Variants in GLYATL1 observed in about 807,000 individuals in gnomAD.
GLYATL1 encodes the protein glycine-N-acyltransferase like 1, also known as glycine N-acyltransferase-like protein 1.
Under a neutral mutation model 20.0 loss-of-function variants are expected in GLYATL1, and 15 were observed. The observed-to-expected ratio is 0.75, with a 90% CI of 0.50 to 1.15. The LOEUF (loss-of-function observed/expected upper bound fraction) is 1.15. Among genes scored for constraint, GLYATL1 ranks in the 50% most tolerant of loss-of-function variants. GLYATL1 has a pLI of 0.00. For missense variants in GLYATL1, 380 were observed against 368.5 expected, an observed-to-expected ratio of 1.03 and a Z score of -0.26; for synonymous variants, 151 against 131.5, an observed-to-expected ratio of 1.15 and a Z score of -1.01.
intron 3 of GLYATL1, 186 bp from the exon 4 acceptor site, chr11:58,947,672 C>A: frequency 1.7e-6 from 1 of 581,308 alleles, no homozygotes; most frequent in South Asian, 2.0e-5. Flanking sequence ...CCTGTGAGTT[C>A]TGCCTGCTTG....
At chr11:58,908,603 A>G (rs116293043), downstream of GLYATL1, 853 of 163,816 alleles carry the variant, frequency 5.2e-3, 11 homozygotes, top group African/African-American at 0.019. Flanking sequence ...CGTGGTGCCA[A>G]TTCAGATTCT....
intron 1 of GLYATL1, among the ~76,000 whole-genome samples, chr11:58,930,115 T>C (rs76140163): frequency 6.6e-6 from 1 of 151,032 alleles, no homozygotes; most frequent in African/African-American, 2.4e-5. Flanking sequence ...AAAATTTTTT[T>C]CCAAAGTCTT....
chr11:58,929,623 G>A (rs1313658991), intron 1 of GLYATL1, among the ~76,000 whole-genome samples: 2 of 152,092 alleles, frequency 1.3e-5, no homozygotes, highest in Non-Finnish European at 2.9e-5. Context: ...GGTCTGACAG[G>A]AACAGCAATA....
intron 4 of GLYATL1, among the ~76,000 whole-genome samples, chr11:58,952,473 G>A (rs1225291004): frequency 1.3e-5 from 2 of 152,130 alleles, no homozygotes; most frequent in Non-Finnish European, 2.9e-5. Context: ...TGTTACCAAA[G>A]TCTACTATTA....
At chr11:58,926,134 C>T (rs771840791), upstream of GLYATL1, among the ~76,000 whole-genome samples, 8 of 152,168 alleles carry the variant, frequency 5.3e-5, no homozygotes, top group Non-Finnish European at 1.0e-4. Context: ...GCTTAGGTTC[C>T]AATCCTCTAG....
chr11:58,911,856 G>A (rs181725687), downstream of GLYATL1, among the ~76,000 whole-genome samples: 1,044 of 152,182 alleles, frequency 6.9e-3, 14 homozygotes, highest in African/African-American at 0.024. Context: ...TTCTCTTTGC[G>A]GATCATGCTT....
intron 4 of GLYATL1, among the ~76,000 whole-genome samples, chr11:58,954,019 A>C (rs1028109251): frequency 6.6e-6 from 1 of 152,198 alleles, no homozygotes; most frequent in African/African-American, 2.4e-5. Context: ...CAGTTACATC[A>C]TTCTATTTTG....
intron 1 of GLYATL1, among the ~76,000 whole-genome samples, chr11:58,914,618 G>C (rs1306260884): frequency 2.0e-5 from 3 of 152,180 alleles, no homozygotes; most frequent in African/African-American, 7.2e-5. Flanking sequence ...ATATGATAAT[G>C]AGGCAAAGGG....
intron 2 of GLYATL1, among the ~76,000 whole-genome samples, chr11:58,945,684 TG>T (rs955253211): frequency 8.6e-5 from 13 of 151,612 alleles, no homozygotes; most frequent in African/African-American, 2.7e-4. Context: ...TTAAATCAGG[TG>T]AGAAACAGAG....
chr11:58,941,690 G>T (rs912915325), intron 1 of GLYATL1, among the ~76,000 whole-genome samples: 1 of 152,162 alleles, frequency 6.6e-6, no homozygotes, highest in Non-Finnish European at 1.5e-5. Flanking sequence ...ACAGAATGCA[G>T]GCAGAAGAAA....
chr11:58,951,792 A>T (rs1857014822), intron 4 of GLYATL1, among the ~76,000 whole-genome samples: 1 of 151,942 alleles, frequency 6.6e-6, no homozygotes, highest in African/African-American at 2.4e-5. Context: ...TTTTCCTGTT[A>T]TATTTCTGAG....
At chr11:58,931,916 A>G (rs1424428519) in intron 1 of GLYATL1, among the ~76,000 whole-genome samples, 3 of 151,972 alleles carry the variant, frequency 2.0e-5, no homozygotes, top group Non-Finnish European at 4.4e-5. Flanking sequence ...TCCAGACCAG[A>G]CTGTCCAATA....
chr11:58,925,245 G>GA (rs1314711240), upstream of GLYATL1, among the ~76,000 whole-genome samples: 5 of 152,118 alleles, frequency 3.3e-5, no homozygotes, highest in East Asian at 1.9e-4. Context: ...CTAGTTTACA[G>GA]AAAAAAACTG....
At chr11:58,943,257 C>A in intron 1 of GLYATL1, 1 of 1,522,710 alleles carries the variant, frequency 6.6e-7, no homozygotes, top group Non-Finnish European at 8.8e-7. Context: ...CCAGTGTTGG[C>A]CAATCCCAGC....
At chr11:58,919,914 G>A (rs372981106) in intron 1 of GLYATL1, among the ~76,000 whole-genome samples, 1 of 152,020 alleles carries the variant, frequency 6.6e-6, no homozygotes. Context: ...CAAACCTGGG[G>A]GCCACCATTT....
chr11:58,931,081 C>G (rs1855581064), intron 1 of GLYATL1, among the ~76,000 whole-genome samples: 1 of 152,144 alleles, frequency 6.6e-6, no homozygotes, highest in Admixed American at 6.5e-5. Context: ...AACTGAAATG[C>G]ATTATCTCAT....
downstream of GLYATL1, among the ~76,000 whole-genome samples, chr11:58,912,549 G>C (rs958695226): frequency 1.3e-5 from 2 of 152,134 alleles, no homozygotes; most frequent in African/African-American, 4.8e-5. Flanking sequence ...TGTCTCCATC[G>C]GAGACCCCCA....
chr11:58,940,206 T>C (rs903253433), intron 1 of GLYATL1, among the ~76,000 whole-genome samples: 1 of 152,214 alleles, frequency 6.6e-6, no homozygotes, highest in South Asian at 2.1e-4. Flanking sequence ...TATTCTCCTG[T>C]GGTGCTGTTT....
At chr11:58,915,271 A>G (rs949352488) in intron 1 of GLYATL1, among the ~76,000 whole-genome samples, 1 of 152,188 alleles carries the variant, frequency 6.6e-6, no homozygotes, top group Non-Finnish European at 1.5e-5. Context: ...TTAATTCTAG[A>G]CAGTCTCCTC....
Sources: gnomAD v4.1 joint callset for allele counts (sites outside exome capture counted in the v4.1 genomes callset) on GRCh38, gnomAD v4.1.1 for gene constraint, MANE v1.5 for transcripts, NCBI Gene and HGNC (gene_info 2026-07-23, HGNC 2026-07-21) for gene names.